CNIH4: variants seen among roughly 807,000 people sequenced by gnomAD.
CNIH4 encodes cornichon family member 4.
Under a neutral mutation model 21.5 loss-of-function variants are expected in CNIH4, and 9 were observed. The ratio of observed to expected loss-of-function variants is 0.42; its 90% CI spans 0.25 to 0.73. CNIH4 has a LOEUF of 0.73. Ranked by LOEUF, CNIH4 falls within the 30% of genes least tolerant of loss-of-function variation. The pLI, the probability that CNIH4 is intolerant of heterozygous loss-of-function variation, is 0.27. For synonymous variants in CNIH4, 67 were observed against 59.1 expected (o/e 1.13, Z -0.61); for missense variants, 159 against 170.0 (o/e 0.94, Z 0.36).
chr1:224,356,920 G>C lies in CNIH4; in HGVS notation c.-5G>C. 1 of 1,607,276 alleles carries C rather than the reference G, an allele frequency of 6.2e-7. No homozygotes were observed. Among genetic ancestry groups the C allele is most frequent in the Non-Finnish European group, 8.5e-7 (1 of 1,176,736 alleles). ...CGGAAGGAGCGGCGGCGACGGAGGA[G>C]GAGGATGGAGGCGGTGGTGTTCGTC... On this transcript the variant is annotated 5_prime_UTR_variant, in exon 1 of 5. Transcript: ENST00000465271.
intron 4 of CNIH4, among the ~76,000 whole-genome samples, chr1:224,373,657 A>G (rs1182373785): frequency 5.3e-5 from 8 of 151,950 alleles, no homozygotes; most frequent in Non-Finnish European, 1.5e-5. Context: ...GTGAAACCCC[A>G]TCTCTACTAA....
chr1:224,366,151 C>G (rs555460194), intron 3 of CNIH4, among the ~76,000 whole-genome samples, 160 bp downstream of exon 3: 2 of 151,842 alleles, frequency 1.3e-5, no homozygotes, highest in East Asian at 3.9e-4. Context: ...AAGCGATTCT[C>G]CCACTTCAGC....
chr1:224,363,296 G>A (rs769181283), intron 2 of CNIH4, among the ~76,000 whole-genome samples: 7 of 151,084 alleles, frequency 4.6e-5, no homozygotes, highest in African/African-American at 9.7e-5. Context: ...TGCTCTCCTC[G>A]GCCTCCCAAA....
At position 224,379,132 on chromosome 1, in the gene CNIH4, A is replaced by G. The variant is rs1345645062; in HGVS notation, c.*3310A>G. The G allele has an allele frequency of 6.5e-7, 1 of 1,548,936 alleles. No individual in the cohort carries two copies. The highest frequency in any genetic ancestry group is 8.7e-7 in the Non-Finnish European group (1 of 1,145,622). ...TGAGAAAGAAGAGGAAGCGAAATCCAAGATGCAGCTCAGTTCATCAAAGCC... is the reference window on the plus strand; with the variant it reads ...TGAGAAAGAAGAGGAAGCGAAATCCGAGATGCAGCTCAGTTCATCAAAGCC... On this transcript the variant is annotated 3_prime_UTR_variant, in exon 5 of 5. Transcript: ENST00000465271.
chr1:224,361,963 C>G (rs1449026425), intron 2 of CNIH4, among the ~76,000 whole-genome samples: 1 of 152,178 alleles, frequency 6.6e-6, no homozygotes, highest in Non-Finnish European at 1.5e-5. Flanking sequence ...TATCTTTACA[C>G]TTGATTCATA....
In CNIH4 at chr1:224,360,508, C is replaced by G; in HGVS notation, c.83C>G (p.Ser28Cys). 1 of 1,425,998 alleles carries G rather than the reference C, an allele frequency of 7.0e-7. No homozygotes were observed. Among genetic ancestry groups the G allele is most frequent in the Non-Finnish European group, 9.4e-7 (1 of 1,063,000 alleles). 88.3% of individuals were successfully genotyped at this position (1,425,998 alleles called of 1,614,324 possible). A position where few individuals can be genotyped will look rare whatever the true frequency, so the allele number is the denominator to read the frequency against. The change falls in exon 2 of 5, where the codon TCT becomes TGT. Residue 28 changes from serine (S) to cysteine (C), a missense_variant. Ser to Cys is a moderately radical substitution (Grantham distance 112). Transcript: ENST00000465271. ...CTTGATCATCAGATAATTACATTGT[C>G]TGATTTAGAATGTGATTACATTAAT... is the stretch of plus-strand genomic sequence containing the variant. ...FLSVYFIITLSDLECDYINAR... is the reference protein window; with the variant it reads ...FLSVYFIITLCDLECDYINAR...
intron 2 of CNIH4, 100 bp from the exon 3 acceptor site, chr1:224,365,779 C>G: frequency 1.3e-6 from 1 of 796,228 alleles, no homozygotes; most frequent in South Asian, 1.4e-5. Context: ...GAAACAGTAG[C>G]TTGTAAATTC....
In CNIH4 at chr1:224,362,115, C is replaced by G. The variant is rs148433814; in HGVS notation, c.138+1552C>G. On this transcript the variant is annotated intron_variant, in intron 2 of 4. Transcript: ENST00000465271. ...TTTTTTTTTGAGACGGAGTCTCACT[C>G]TGTTGCCTAAGCTGGAGTGCAGTGG... 1.1e-3 allele frequency among the ~76,000 whole-genome samples: 165 copies of G among 149,092 alleles called. 1 individual carries two copies. The highest frequency in any genetic ancestry group is 3.9e-3 in the African/African-American group (159 of 40,756).
chr1:224,374,413 CT>C (rs796364131), intron 4 of CNIH4, among the ~76,000 whole-genome samples: 65 of 144,964 alleles, frequency 4.5e-4, no homozygotes, highest in Middle Eastern at 3.6e-3. Flanking sequence ...AGTTTCGTTT[CT>C]TTTTTTTTTT....
intron 1 of CNIH4, 90 bp from the exon 2 acceptor site, chr1:224,360,405 A>C: frequency 6.3e-6 from 4 of 632,238 alleles, no homozygotes; most frequent in Non-Finnish European, 7.8e-6. Flanking sequence ...AGTCAAATCT[A>C]ATTCTGCCTT....
intron 2 of CNIH4, among the ~76,000 whole-genome samples, chr1:224,361,686 G>A (rs971926847): frequency 7.9e-5 from 12 of 151,934 alleles, no homozygotes; most frequent in African/African-American, 2.4e-4. Context: ...AGGCTCAAGC[G>A]ATCCTTCCAC....
rs1246128511 is a variant in CNIH4 at position 224,379,264 on chromosome 1, T to G, written c.*3442T>G. 1.1e-5 allele frequency: 7 copies of G among 642,212 alleles called. No individual in the cohort carries two copies. Among genetic ancestry groups the G allele is most frequent in the Admixed American group, 2.6e-5 (1 of 38,948 alleles). The allele number at this position is 642,212 out of a possible 1,614,324, so 39.8% of individuals were successfully genotyped here. A position where few individuals can be genotyped will look rare whatever the true frequency, so the allele number is the denominator to read the frequency against. On this transcript the variant is annotated 3_prime_UTR_variant, in exon 5 of 5. Transcript: ENST00000465271. Reference sequence around the variant, plus strand: ...GCTAAGAAAGCTTCCTATAGTAGTATCTCCCATGGCACTTACCACATTCTA... The same window carrying G: ...GCTAAGAAAGCTTCCTATAGTAGTAGCTCCCATGGCACTTACCACATTCTA...
chr1:224,356,942 C>A lies in CNIH4; in HGVS notation c.18C>A (p.Phe6Leu), dbSNP rs367704082. MEAVV[F>L]VFSLLDCCAL... ...GGAGGAGGATGGAGGCGGTGGTGTT[C>A]GTCTTCTCTCTCCTCGATTGTTGCG... The change falls in exon 1 of 5, where the codon TTC (phenylalanine) becomes TTA (leucine). Residue 6 changes from phenylalanine (F) to leucine (L), a missense_variant. Phe to Leu is a conservative substitution (Grantham distance 22). Transcript: ENST00000465271. The A allele has an allele frequency of 2.5e-6, 4 of 1,611,342 alleles. No homozygotes were observed. In the African/African-American group the frequency reaches 4.0e-5, roughly 16 times the overall value.
At chr1:224,362,077 AC>A (rs1465824754) in intron 2 of CNIH4, among the ~76,000 whole-genome samples, 1 of 129,850 alleles carries the variant, frequency 7.7e-6, no homozygotes, top group Admixed American at 9.5e-5. Flanking sequence ...GTTGGGAAGT[AC>A]CATGCCATTT....
chr1:224,364,189 A>G (rs1231675371), intron 2 of CNIH4: 1 of 983,994 alleles, frequency 1.0e-6, no homozygotes, highest in African/African-American at 1.7e-5. Context: ...GCGGTTCGAG[A>G]CCAGCTCTGG....
intron 2 of CNIH4, among the ~76,000 whole-genome samples, chr1:224,365,213 C>T (rs535338748): frequency 1.3e-5 from 2 of 152,216 alleles, no homozygotes; most frequent in East Asian, 1.9e-4. Flanking sequence ...AAAATCTGTA[C>T]TCATAGGAAA....
chr1:224,368,114 T>C (rs1672519033), intron 3 of CNIH4, among the ~76,000 whole-genome samples: 1 of 152,206 alleles, frequency 6.6e-6, no homozygotes, highest in African/African-American at 2.4e-5. Context: ...GTGGATTACC[T>C]GAGGTCAGGA....
In CNIH4 at chr1:224,375,900, T is replaced by C; in HGVS notation, c.*78T>C. 2 of 1,584,412 alleles carry C rather than the reference T, an allele frequency of 1.3e-6. No individual in the cohort carries two copies. The highest frequency in any genetic ancestry group is 2.3e-5 in the East Asian group (1 of 44,264). ...AGCCAGAGACTTCTTAAATCATCCT[T>C]AGAACCGTGACCATAGCAGTATATA... On this transcript the variant is annotated 3_prime_UTR_variant, in exon 5 of 5. Transcript: ENST00000465271.
intron 3 of CNIH4, 107 bp from the exon 4 acceptor site, chr1:224,371,176 C>A: frequency 8.3e-7 from 1 of 1,200,570 alleles, no homozygotes; most frequent in Non-Finnish European, 1.2e-6. Context: ...AGTACTGGGC[C>A]TGATTGGTTC....
Sources: gnomAD v4.1 joint callset for allele counts (sites outside exome capture counted in the v4.1 genomes callset) on GRCh38, gnomAD v4.1.1 for gene constraint, MANE v1.5 for transcripts, NCBI Gene and HGNC (gene_info 2026-07-23, HGNC 2026-07-21) for gene names.